TMEM242: variants seen among roughly 807,000 people sequenced by gnomAD.
TMEM242 encodes transmembrane protein 242.
TMEM242 carries 10 observed loss-of-function variants against 18.2 expected under a neutral mutation model. That is an observed-to-expected ratio of 0.55 (90% CI 0.34 to 0.93). The LOEUF (loss-of-function observed/expected upper bound fraction) is 0.93, where lower values mean the gene tolerates loss of function less well. Ranked by LOEUF, TMEM242 falls within the 40% of genes least tolerant of loss-of-function variation. The pLI is 0.02. For synonymous variants in TMEM242, 57 were observed against 69.9 expected (o/e 0.81, Z 0.92); for missense variants, 186 against 175.5 (o/e 1.06, Z -0.34).
At chr6:157,312,882 C>A in intron 3 of TMEM242, among the ~76,000 whole-genome samples, 1 of 152,004 alleles carries the variant, frequency 6.6e-6, no homozygotes, top group Non-Finnish European at 1.5e-5. Context: ...GTGCACTCAC[C>A]TAGCCTCATC....
chr6:157,306,921 A>C (rs1041428498), intron 3 of TMEM242, among the ~76,000 whole-genome samples: 2 of 152,246 alleles, frequency 1.3e-5, no homozygotes, highest in Admixed American at 1.3e-4. Flanking sequence ...AATATATAGC[A>C]CATTAGAAAA....
chr6:157,317,046 C>A (rs782749059), intron 3 of TMEM242, among the ~76,000 whole-genome samples: 1 of 152,178 alleles, frequency 6.6e-6, no homozygotes, highest in Non-Finnish European at 1.5e-5. Context: ...TGCAACCCTG[C>A]CAACTTGCCC....
intron 3 of TMEM242, among the ~76,000 whole-genome samples, chr6:157,313,373 T>TGTCCCAGTATGCACTCACCCA (rs1778265660): frequency 4.5e-5 from 5 of 110,356 alleles, no homozygotes; most frequent in Admixed American, 9.6e-5. Context: ...CTCATCATAG[T>TGTCCCAGTATGCACTCACCCA]GCCTCAGTGT....
chr6:157,312,784 C>G (rs1778218613), intron 3 of TMEM242, among the ~76,000 whole-genome samples: 2 of 145,844 alleles, frequency 1.4e-5, no homozygotes, highest in Non-Finnish European at 3.0e-5. Context: ...GCTCACCTAG[C>G]TTCATCATAA....
chr6:157,313,566 C>A (rs1554249832), intron 3 of TMEM242, among the ~76,000 whole-genome samples: 5 of 150,156 alleles, frequency 3.3e-5, no homozygotes, highest in African/African-American at 1.3e-4. Flanking sequence ...CTCACCTAGC[C>A]TCATCATAGT....
At chr6:157,312,909 C>A (rs1554249509) in intron 3 of TMEM242, among the ~76,000 whole-genome samples, 62 of 133,348 alleles carry the variant, frequency 4.6e-4, no homozygotes, top group African/African-American at 1.6e-3. Flanking sequence ...TCCCACTGTG[C>A]GCTCACCCGG....
At chr6:157,318,706 T>C in intron 3 of TMEM242, 76 bp downstream of exon 3, 1 of 1,587,056 alleles carries the variant, frequency 6.3e-7, no homozygotes. Context: ...CAAATAAATT[T>C]GAAAACCAGA....
At chr6:157,311,040 G>C (rs1430984967) in intron 3 of TMEM242, among the ~76,000 whole-genome samples, 4 of 119,484 alleles carry the variant, frequency 3.3e-5, no homozygotes, top group African/African-American at 1.4e-4. Flanking sequence ...TAGTGTCCCA[G>C]TGTGCGCTCA....
chr6:157,313,365 C>G (rs1554249728), intron 3 of TMEM242, among the ~76,000 whole-genome samples: 84 of 135,398 alleles, frequency 6.2e-4, no homozygotes, highest in East Asian at 9.5e-4. Flanking sequence ...CACCTGGCCT[C>G]ATCATAGTGC....
At chr6:157,317,100 T>C (rs1554250405) in intron 3 of TMEM242, among the ~76,000 whole-genome samples, 2 of 152,214 alleles carry the variant, frequency 1.3e-5, no homozygotes, top group African/African-American at 4.8e-5. Flanking sequence ...AGCATATACA[T>C]GCTGTTAATT....
Position 157,292,153 on chromosome 6 carries a change from A to T in TMEM242, c.*748T>A, listed in dbSNP as rs1777691641. ...TGGGCTTTTTTTACTTTGACAACTG[A>T]GACAAAATGACAAATTGTCAGTGTT... On this transcript the variant is annotated 3_prime_UTR_variant, in exon 4 of 4. Transcript: ENST00000400788. 1 of 152,206 alleles carries T rather than the reference A, an allele frequency of 6.6e-6. No homozygotes were observed. Among genetic ancestry groups the T allele is most frequent in the Non-Finnish European group, 1.5e-5 (1 of 68,032 alleles). 9.4% of individuals were successfully genotyped at this position (152,206 alleles called of 1,614,324 possible).
intron 3 of TMEM242, chr6:157,300,161 A>G (rs1468202697): frequency 5.4e-6 from 3 of 555,680 alleles, no homozygotes; most frequent in Non-Finnish European, 6.6e-6. Flanking sequence ...GAGAGAATGG[A>G]AGAAAACTGC....
At chr6:157,304,513 T>C (rs1451804586) in intron 3 of TMEM242, among the ~76,000 whole-genome samples, 1 of 130,654 alleles carries the variant, frequency 7.7e-6, no homozygotes, top group African/African-American at 2.8e-5. Context: ...AGAGTGCCAC[T>C]GAAATGAAAT....
intron 3 of TMEM242, among the ~76,000 whole-genome samples, chr6:157,317,220 TA>T (rs1778407704): frequency 6.6e-6 from 1 of 152,230 alleles, no homozygotes; most frequent in Non-Finnish European, 1.5e-5. Context: ...AAGACTCACC[TA>T]GATATACTGC....
chr6:157,303,002 C>A (rs1777851454), intron 3 of TMEM242, among the ~76,000 whole-genome samples: 1 of 152,236 alleles, frequency 6.6e-6, no homozygotes, highest in Non-Finnish European at 1.5e-5. Flanking sequence ...ATATTCCATT[C>A]TCTCACCAAT....
rs1290363675 is a variant in TMEM242 at position 157,305,453 on chromosome 6, G to A, written c.328-12454C>T. 6.6e-6 allele frequency among the ~76,000 whole-genome samples: 1 copy of A among 152,126 alleles called. No individual in the cohort carries two copies. The highest frequency in any genetic ancestry group is 2.4e-5 in the African/African-American group (1 of 41,412). ...AGTTGGGACATGGGTCATGTGACACGCCTATGAGGGCGTGTCATATTGTGA... is the reference window on the plus strand; with the variant it reads ...AGTTGGGACATGGGTCATGTGACACACCTATGAGGGCGTGTCATATTGTGA... On this transcript the variant is annotated intron_variant, in intron 3 of 3. Transcript: ENST00000400788. This position sits in a 1 kb window ranked among gnomAD's most constrained non-coding sequence, Gnocchi z 4.1.
intron 3 of TMEM242, among the ~76,000 whole-genome samples, chr6:157,296,538 C>T (rs587598698): frequency 6.6e-6 from 1 of 152,272 alleles, no homozygotes; most frequent in African/African-American, 2.4e-5. Flanking sequence ...CAAAAATTAG[C>T]CAGGCATGGT....
chr6:157,318,686 A>G, intron 3 of TMEM242, 96 bp downstream of exon 3: 1 of 1,511,826 alleles, frequency 6.6e-7, no homozygotes, highest in African/African-American at 1.4e-5. Flanking sequence ...GACAGTGACC[A>G]AACTACATGC....
At chr6:157,312,711 CCTGGCCTCATCTTACTGTCCCAG>C in intron 3 of TMEM242, among the ~76,000 whole-genome samples, 1 of 146,324 alleles carries the variant, frequency 6.8e-6, no homozygotes, top group South Asian at 2.2e-4. Context: ...TGTGCGCTCA[CCTGGCCTCATCTTACTGTCCCAG>C]TGTGCGCTCA....
Sources: gnomAD v4.1 joint callset for allele counts (sites outside exome capture counted in the v4.1 genomes callset) on GRCh38, gnomAD v4.1.1 for gene constraint, Gnocchi (gnomAD v3.1) non-coding constraint, MANE v1.5 for transcripts, NCBI Gene and HGNC (gene_info 2026-07-23, HGNC 2026-07-21) for gene names.